SV2C: variants seen among roughly 807,000 people sequenced by gnomAD.
SV2C encodes the protein synaptic vesicle glycoprotein 2C.
SV2C carries 49 observed loss-of-function variants against 79.7 expected under a neutral mutation model. The ratio of observed to expected loss-of-function variants is 0.61; its 90% CI spans 0.49 to 0.78. The LOEUF (loss-of-function observed/expected upper bound fraction) is 0.78, where lower values mean the gene tolerates loss of function less well. Ranked by LOEUF, SV2C falls within the 30% of genes least tolerant of loss-of-function variation. The pLI is 0.00. For synonymous variants in SV2C, 334 were observed against 333.2 expected (o/e 1.00, Z -0.03); for missense variants, 833 against 912.9 (o/e 0.91, Z 1.13).
At chr5:76,056,407 A>G in the SV2C span, among the ~76,000 whole-genome samples, 2 of 152,050 alleles carry the variant, frequency 1.3e-5, no homozygotes, top group Non-Finnish European at 2.9e-5. Flanking sequence ...TATTTTATTG[A>G]GGATATTTGC....
At chr5:76,300,669 CTT>C (rs1747958967) in intron 10 of SV2C, 58 bp from the exon 11 acceptor site, 8 of 1,550,382 alleles carry the variant, frequency 5.2e-6, no homozygotes, top group Non-Finnish European at 7.1e-6. Context: ...CATAGGCTTT[CTT>C]ATACTGGTGC....
the SV2C span, among the ~76,000 whole-genome samples, chr5:75,868,265 T>C: frequency 1.3e-5 from 2 of 152,284 alleles, 1 homozygote; most frequent in South Asian, 4.1e-4. Context: ...TGGAGAAAGA[T>C]TGAGGCCAAA....
chr5:76,207,650 C>T (rs963326505), intron 3 of SV2C, among the ~76,000 whole-genome samples: 6 of 152,048 alleles, frequency 3.9e-5, no homozygotes, highest in Non-Finnish European at 7.4e-5. Context: ...ATGCAGCTTA[C>T]CCCTTGAAAG....
intron 4 of SV2C, 109 bp downstream of exon 4, chr5:76,209,996 A>G: frequency 7.8e-7 from 1 of 1,289,918 alleles, no homozygotes; most frequent in Non-Finnish European, 1.1e-6. Flanking sequence ...ACTACTCATC[A>G]TCATGTTTCT....
chr5:76,029,071 T>C, the SV2C span, among the ~76,000 whole-genome samples: 1 of 152,218 alleles, frequency 6.6e-6, no homozygotes, highest in Non-Finnish European at 1.5e-5. Flanking sequence ...TCCTGTCTTA[T>C]AGAACAAGTG....
the SV2C span, among the ~76,000 whole-genome samples, chr5:75,930,398 AG>A: frequency 6.6e-6 from 1 of 152,228 alleles, no homozygotes; most frequent in African/African-American, 2.4e-5. Flanking sequence ...AGCATCCAGC[AG>A]TGGTGCTCTG....
At chr5:76,247,718 A>C (rs1745985869) in intron 4 of SV2C, among the ~76,000 whole-genome samples, 2 of 152,218 alleles carry the variant, frequency 1.3e-5, no homozygotes, top group South Asian at 4.1e-4. Flanking sequence ...TTTTGAATTT[A>C]AGTCAAAGTT....
chr5:76,285,770 T>C lies in SV2C; in HGVS notation c.1048-11T>C. The C allele has an allele frequency of 6.2e-7, 1 of 1,612,828 alleles. No homozygotes were observed. Among genetic ancestry groups the C allele is most frequent in the Non-Finnish European group, 8.5e-7 (1 of 1,179,364 alleles). Reference sequence around the variant, plus strand: ...ACTCCTAGCGCTTCACTGTCCACTCTCATTTCTTAGGTTGGAAAACATGAT... The same window carrying C: ...ACTCCTAGCGCTTCACTGTCCACTCCCATTTCTTAGGTTGGAAAACATGAT... On this transcript the variant is annotated splice_polypyrimidine_tract_variant and intron_variant, in intron 5 of 12. Coordinates refer to ENST00000502798, the MANE Select transcript of SV2C (RefSeq NM_014979.4).
chr5:75,873,833 C>T, the SV2C span, among the ~76,000 whole-genome samples: 6 of 152,276 alleles, frequency 3.9e-5, no homozygotes, highest in South Asian at 1.2e-3. Flanking sequence ...TGGACACATA[C>T]ACCCTCTTGA....
the SV2C span, among the ~76,000 whole-genome samples, chr5:75,882,977 C>T: frequency 1.3e-5 from 2 of 149,994 alleles, no homozygotes; most frequent in African/African-American, 2.5e-5. Context: ...CTACAATGAA[C>T]TCAAACAAAT....
intron 4 of SV2C, among the ~76,000 whole-genome samples, chr5:76,242,857 A>T (rs1204192671): frequency 6.6e-6 from 1 of 151,342 alleles, no homozygotes. Context: ...GCATAACAAG[A>T]CCCCATATCT....
At chr5:76,212,494 A>T (rs114932437) in intron 4 of SV2C, among the ~76,000 whole-genome samples, 4,221 of 142,828 alleles carry the variant, frequency 0.03, 69 homozygotes, top group Middle Eastern at 0.065. Flanking sequence ...ATACCTTCTT[A>T]GCCGGCCTTC....
chr5:75,958,444 A>G, the SV2C span, among the ~76,000 whole-genome samples: 3 of 151,870 alleles, frequency 2.0e-5, no homozygotes, highest in African/African-American at 7.3e-5. Context: ...CCCCTCCTCA[A>G]CTTCTGGGTC....
At chr5:75,994,990 A>G in the SV2C span, among the ~76,000 whole-genome samples, 1 of 152,176 alleles carries the variant, frequency 6.6e-6, no homozygotes, top group African/African-American at 2.4e-5. Flanking sequence ...CCAGGGTCTG[A>G]AGGCCTGAGA....
At chr5:75,965,482 G>A in the SV2C span, among the ~76,000 whole-genome samples, 6 of 152,084 alleles carry the variant, frequency 3.9e-5, no homozygotes, top group African/African-American at 1.4e-4. Context: ...TCTGCCATGT[G>A]ACACACAGTG....
chr5:76,049,198 G>A, the SV2C span, among the ~76,000 whole-genome samples: 1 of 151,782 alleles, frequency 6.6e-6, no homozygotes, highest in African/African-American at 2.4e-5. Flanking sequence ...TTAGCTAGGC[G>A]TGGTAGTGGG....
At chr5:76,238,027 TACAC>T (rs796926428) in intron 4 of SV2C, among the ~76,000 whole-genome samples, 2,689 of 122,884 alleles carry the variant, frequency 0.022, 28 homozygotes, top group East Asian at 0.053. Context: ...CAATCACACA[TACAC>T]ACACACACAC....
In SV2C at chr5:76,302,598, C is replaced by G. The variant is rs1748047935; in HGVS notation, c.2000+1053C>G. ...TTAGCCAAGATCATGCCACTGCACTCCAGTCTGGACAACAAGAGTGAGACT... is the reference window on the plus strand; with the variant it reads ...TTAGCCAAGATCATGCCACTGCACTGCAGTCTGGACAACAAGAGTGAGACT... On this transcript the variant is annotated intron_variant, in intron 12 of 12. Coordinates refer to ENST00000502798, the MANE Select transcript of SV2C (RefSeq NM_014979.4). Among the ~76,000 whole-genome samples, 3 of 141,942 alleles carry G rather than the reference C, an allele frequency of 2.1e-5. No homozygotes were observed. In the Admixed American group the frequency reaches 2.2e-4, roughly 10 times the overall value. 93.1% of individuals were successfully genotyped at this position (141,942 alleles called of 152,430 possible). A position where few individuals can be genotyped will look rare whatever the true frequency, so the allele number is the denominator to read the frequency against.
chr5:76,209,559 A>G (rs1230989235), intron 3 of SV2C, among the ~76,000 whole-genome samples, 177 bp from the exon 4 acceptor site: 1 of 152,218 alleles, frequency 6.6e-6, no homozygotes, highest in East Asian at 1.9e-4. Flanking sequence ...TAATAAACCT[A>G]TATTAAATAC....
Sources: gnomAD v4.1 joint callset for allele counts (sites outside exome capture counted in the v4.1 genomes callset) on GRCh38, gnomAD v4.1.1 for gene constraint, MANE v1.5 for transcripts, NCBI Gene and HGNC (gene_info 2026-07-23, HGNC 2026-07-21) for gene names.